GEMIN5: variants seen among roughly 807,000 people sequenced by gnomAD.
The protein encoded by GEMIN5 is gem-associated protein 5.
Under a neutral mutation model 176.9 loss-of-function variants are expected in GEMIN5, and 124 were observed. The ratio of observed to expected loss-of-function variants is 0.70; its 90% CI spans 0.61 to 0.81. The LOEUF (loss-of-function observed/expected upper bound fraction) is 0.81, where lower values mean the gene tolerates loss of function less well. Among genes scored for constraint, GEMIN5 ranks in the 40% least tolerant of loss-of-function variants. The probability of loss-of-function intolerance (pLI) is 0.00; values close to 1 mark genes in which losing one functional copy is unlikely to be tolerated. For missense variants in GEMIN5, 1,843 were observed against 1,814.6 expected (o/e 1.02, Z -0.28); for synonymous variants, 673 against 665.2 (o/e 1.01, Z -0.18).
chr5:154,931,742 C>A (rs1353546308), intron 4 of GEMIN5, 165 bp from the exon 5 acceptor site: 2 of 585,746 alleles, frequency 3.4e-6, no homozygotes. Flanking sequence ...CGGCCTGGTG[C>A]AGTGGCTCAC....
At chr5:154,907,309 A>C (rs4958770) in intron 16 of GEMIN5, among the ~76,000 whole-genome samples, 146,124 of 152,250 alleles carry the variant, frequency 0.96, 70,181 homozygotes, top group South Asian at 0.99. Flanking sequence ...TACACAACTG[A>C]CCCAGCTTCG....
At chr5:154,888,807 TCA>T (rs1763160972) in intron 27 of GEMIN5, among the ~76,000 whole-genome samples, 1 of 152,128 alleles carries the variant, frequency 6.6e-6, no homozygotes, top group South Asian at 2.1e-4. Context: ...AATTCTAGTC[TCA>T]CAAAACATTC....
intron 13 of GEMIN5, among the ~76,000 whole-genome samples, chr5:154,914,592 T>C (rs548792671): frequency 1.3e-5 from 2 of 151,394 alleles, no homozygotes; most frequent in Middle Eastern, 3.4e-3. Flanking sequence ...TAGCTAACTG[T>C]AGCCTCCAAC....
chr5:154,929,222 T>G (rs1764109070), intron 5 of GEMIN5, among the ~76,000 whole-genome samples: 1 of 152,138 alleles, frequency 6.6e-6, no homozygotes, highest in African/African-American at 2.4e-5. Context: ...AGACTCTGCC[T>G]CAAAAGAAAA....
rs534581742 is a variant in GEMIN5 at position 154,913,955 on chromosome 5, T to G, written c.1856-917A>C. On this transcript the variant is annotated intron_variant, in intron 13 of 27. Coordinates refer to ENST00000285873, the MANE Select transcript of GEMIN5 (RefSeq NM_015465.5). The stretch of plus-strand genomic sequence containing the variant: ...ATTGGAGACTGTCATGAGCTATAAC[T>G]GCACCACTACACTCCACCCTGAACA... 1.4e-4 allele frequency among the ~76,000 whole-genome samples: 21 copies of G among 152,228 alleles called. No homozygotes were observed. The South Asian group carries it at 4.4e-3, about 32-fold the overall frequency.
chr5:154,904,906 T>G (rs1314714681), intron 17 of GEMIN5, among the ~76,000 whole-genome samples: 1 of 152,106 alleles, frequency 6.6e-6, no homozygotes, highest in African/African-American at 2.4e-5. Context: ...AAAATGGAAG[T>G]GGAAGTCTGG....
At chr5:154,937,939 A>T in intron 1 of GEMIN5, 29 bp downstream of exon 1, 1 of 1,535,756 alleles carries the variant, frequency 6.5e-7, no homozygotes, top group Non-Finnish European at 8.7e-7. Context: ...AAAGGGCAGT[A>T]AGTCTCGGGC....
chr5:154,917,838 C>T (rs369487232), intron 12 of GEMIN5, 93 bp downstream of exon 12: 8 of 825,100 alleles, frequency 9.7e-6, no homozygotes, highest in South Asian at 4.1e-5. Flanking sequence ...ACAACTGGGC[C>T]GCCCCAGCTA....
Position 154,899,173 on chromosome 5 carries a change from T to C in GEMIN5, c.3134+18A>G, listed in dbSNP as rs200916098. The C allele has an allele frequency of 2.2e-5, 35 of 1,599,334 alleles. No homozygotes were observed. Among genetic ancestry groups the C allele is most frequent in the Non-Finnish European group, 3.0e-5 (35 of 1,173,518 alleles). On this transcript the variant is annotated intron_variant, in intron 22 of 27. Transcript: ENST00000285873. ...AGCTCTCCTATGTTGGAAGCATCCC[T>C]CCACTCCTCAGGCTTACCATTTGGC... is the stretch of plus-strand genomic sequence containing the variant.
chr5:154,916,756 A>C (rs1043462506), intron 13 of GEMIN5, among the ~76,000 whole-genome samples: 2 of 152,100 alleles, frequency 1.3e-5, no homozygotes, highest in Non-Finnish European at 2.9e-5. Context: ...TGGCCTCCTA[A>C]AGTGCCAGGA....
chr5:154,911,609 G>A, intron 15 of GEMIN5, 118 bp downstream of exon 15: 1 of 806,208 alleles, frequency 1.2e-6, no homozygotes, highest in South Asian at 1.9e-5. Flanking sequence ...CTTAGGCTCA[G>A]ACCCCTGCCC....
intron 19 of GEMIN5, among the ~76,000 whole-genome samples, 171 bp from the exon 20 acceptor site, chr5:154,902,847 C>A (rs1421815): frequency 0.099 from 15,030 of 152,224 alleles, 836 homozygotes; most frequent in Admixed American, 0.15. Context: ...CCCACTTGGT[C>A]ACTGTACACT....
chr5:154,896,982 A>G (rs908498740), intron 23 of GEMIN5, among the ~76,000 whole-genome samples: 1 of 152,238 alleles, frequency 6.6e-6, no homozygotes, highest in African/African-American at 2.4e-5. Context: ...AAACCAAAAT[A>G]GCCCTTATCA....
intron 16 of GEMIN5, 138 bp downstream of exon 16, chr5:154,907,453 G>T (rs370852268): frequency 8.8e-4 from 173 of 195,548 alleles, no homozygotes; most frequent in Admixed American, 1.7e-3. Flanking sequence ...CTTGAATAAA[G>T]CTTAACAAAA....
chr5:154,898,347 G>C (rs976228084), intron 23 of GEMIN5, 93 bp downstream of exon 23: 1 of 1,143,846 alleles, frequency 8.7e-7, no homozygotes, highest in African/African-American at 1.5e-5. Flanking sequence ...AATTGGCACA[G>C]CTTGTGCAAC....
intron 6 of GEMIN5, among the ~76,000 whole-genome samples, chr5:154,927,782 C>T (rs1764078332): frequency 6.6e-6 from 1 of 152,030 alleles, no homozygotes; most frequent in Admixed American, 6.6e-5. Context: ...GCTTGAAGCC[C>T]CGATCTCAAG....
At chr5:154,936,979 G>T (rs1764282651) in intron 2 of GEMIN5, 46 bp downstream of exon 2, 1 of 1,518,206 alleles carries the variant, frequency 6.6e-7, no homozygotes, top group Non-Finnish European at 9.1e-7. Context: ...AGAACCCTCA[G>T]CACAGATAGA....
intron 24 of GEMIN5, among the ~76,000 whole-genome samples, chr5:154,893,618 C>T (rs757497173): frequency 1.4e-4 from 21 of 152,248 alleles, no homozygotes; most frequent in Non-Finnish European, 2.2e-4. Context: ...TGGCCCCACC[C>T]CACTGGCAAC....
At chr5:154,917,625 T>C (rs909644523) in intron 12 of GEMIN5, among the ~76,000 whole-genome samples, 20 of 152,222 alleles carry the variant, frequency 1.3e-4, no homozygotes, top group Non-Finnish European at 2.9e-5. Flanking sequence ...AAAGCATTTC[T>C]GACTAGGCTT....
Sources: allele counts gnomAD v4.1 joint callset (sites outside exome capture counted in the v4.1 genomes callset), GRCh38; gene constraint gnomAD v4.1.1; transcripts MANE v1.5; gene names NCBI Gene and HGNC (gene_info 2026-07-23, HGNC 2026-07-21).